The following XPC variants were observed in gnomAD, a reference collection of about 807,000 sequenced individuals.
The protein encoded by XPC is XPC complex subunit, DNA damage recognition and repair factor.
Under a neutral mutation model 95.8 loss-of-function variants are expected in XPC, and 76 were observed. That is an observed-to-expected ratio of 0.79 (90% CI 0.66 to 0.96). The LOEUF is 0.96. Ranked by LOEUF, XPC falls within the 40% of genes least tolerant of loss-of-function variation. XPC has a pLI of 0.00. For synonymous variants in XPC, 442 were observed against 442.1 expected, an observed-to-expected ratio of 1.00 and a Z score of 0.00; for missense variants, 1,146 against 1,179.8, an observed-to-expected ratio of 0.97 and a Z score of 0.42.
At chr3:14,163,395 A>T (rs1012289266) in intron 7 of XPC, among the ~76,000 whole-genome samples, 9 of 152,274 alleles carry the variant, frequency 5.9e-5, no homozygotes, top group African/African-American at 2.2e-4. Flanking sequence ...ATGTATAAAC[A>T]TGTAATGGAA....
chr3:14,160,595 G>A (rs180708516), intron 7 of XPC, among the ~76,000 whole-genome samples: 56 of 152,326 alleles, frequency 3.7e-4, no homozygotes, highest in Admixed American at 2.1e-3. Flanking sequence ...AATTTCCAAA[G>A]TGTCAAGGTC....
intron 15 of XPC, 86 bp downstream of exon 15, chr3:14,147,204 G>A: frequency 7.2e-7 from 1 of 1,381,618 alleles, no homozygotes. Context: ...TTGAGGCTGG[G>A]GCAGAATCTG....
chr3:14,167,294 C>G (rs374128911), intron 4 of XPC, 41 bp from the exon 5 acceptor site: 50 of 1,557,416 alleles, frequency 3.2e-5, no homozygotes, highest in Non-Finnish European at 3.7e-5. Flanking sequence ...AAGGGGGGAA[C>G]TGAAACCAGA....
intron 13 of XPC, chr3:14,148,296 G>C (rs916694112): frequency 1.7e-6 from 1 of 593,464 alleles, no homozygotes; most frequent in Non-Finnish European, 2.9e-6. Context: ...GATGCTGACT[G>C]TTTTTTGCTC....
At chr3:14,165,741 A>G (rs1040681998) in intron 5 of XPC, 156 bp from the exon 6 acceptor site, 1 of 823,014 alleles carries the variant, frequency 1.2e-6, no homozygotes, top group African/African-American at 1.7e-5. Context: ...CCACTTCCCA[A>G]GCTTGTCTTT....
At chr3:14,161,148 T>C (rs1696151904) in intron 7 of XPC, among the ~76,000 whole-genome samples, 2 of 152,062 alleles carry the variant, frequency 1.3e-5, no homozygotes, top group Non-Finnish European at 1.5e-5. Context: ...CAAGAAGTAA[T>C]GGAAAATCTG....
rs577050105 is a variant in XPC, at chr3:14,158,157, C to T, written c.1726G>A (p.Gly576Ser). The change falls in exon 9 of 16, where the codon GGC becomes AGC. Residue 576 changes from glycine (G) to serine (S), a missense_variant. Physicochemically the swap from Gly to Ser is moderately conservative, Grantham distance 56. Transcript: ENST00000285021. The surrounding 1 kb of genome is among the most constrained non-coding windows in gnomAD (Gnocchi z 5.2). ...MTYVVGIDSD[G>S]WVRDVTQRYD... ...CTCTGTGTGACATCTCGGACCCAGC[C>T]GTCACTGTCAATGCCCACCACATAG... is the stretch of plus-strand genomic sequence containing the variant. 4 of 1,613,942 alleles carry T rather than the reference C, an allele frequency of 2.5e-6. No homozygotes were observed. The highest frequency in any genetic ancestry group is 2.7e-5 in the African/African-American group (2 of 75,020).
In XPC at chr3:14,165,655, A is replaced by G. The variant is rs1168972031; in HGVS notation, c.622-70T>C. 1.5e-5 allele frequency: 23 copies of G among 1,567,796 alleles called. 2 individuals are homozygous for G. In the East Asian group the frequency reaches 3.9e-4, roughly 26 times the overall value. ...GACACCAGGAGGAATTTTTGCTGCC[A>G]AAGTCAAGACATGCTGTGGACAAGA... On this transcript the variant is annotated intron_variant, in intron 5 of 15. Coordinates refer to ENST00000285021, the MANE Select transcript of XPC (RefSeq NM_004628.5).
At chr3:14,154,084 A>C (rs1306828589) in intron 10 of XPC, among the ~76,000 whole-genome samples, 1 of 152,220 alleles carries the variant, frequency 6.6e-6, no homozygotes, top group Non-Finnish European at 1.5e-5. Flanking sequence ...ATAAATGTGA[A>C]CTTCTAACCA....
At chr3:14,165,765 T>A (rs920953295) in intron 5 of XPC, 180 bp from the exon 6 acceptor site, 6 of 649,122 alleles carry the variant, frequency 9.2e-6, no homozygotes, top group Non-Finnish European at 1.6e-5. Flanking sequence ...CCTCTCTTTT[T>A]CTCTCTGTAT....
At chr3:14,173,184 T>C (rs1696684619) in intron 1 of XPC, 122 bp from the exon 2 acceptor site, 3 of 948,910 alleles carry the variant, frequency 3.2e-6, no homozygotes, top group Non-Finnish European at 4.4e-6. Context: ...CATCACTGGT[T>C]CACCATCCCC....
Position 14,145,412 on chromosome 3 carries a change from A to C in XPC, c.*529T>G, listed in dbSNP as rs1464188794. On this transcript the variant is annotated 3_prime_UTR_variant, in exon 16 of 16. Transcript: ENST00000285021. ...ACTTCTCTGCTCTCTCCCCTACTGC[A>C]AAGAGGCAGTGAGGGCAGCATTAGT... 5.7e-6 allele frequency: 4 copies of C among 698,366 alleles called. No homozygotes were observed. The South Asian group carries it at 5.9e-5, about 10-fold the overall frequency. 43.3% of individuals were successfully genotyped at this position (698,366 alleles called of 1,614,324 possible).
Position 14,165,595 on chromosome 3 carries a change from G to C in XPC, c.622-10C>G. The C allele has an allele frequency of 6.2e-7, 1 of 1,613,100 alleles. No homozygotes were observed. Among genetic ancestry groups the C allele is most frequent in the Non-Finnish European group, 8.5e-7 (1 of 1,179,566 alleles). ...GGCAGAGAAGGTGAACCTGTGAAGA[G>C]GAAAGGAGGAAGGGGCAGCATGGAA... On this transcript the variant is annotated splice_polypyrimidine_tract_variant and intron_variant, in intron 5 of 15. Coordinates refer to ENST00000285021, the MANE Select transcript of XPC (RefSeq NM_004628.5).
Position 14,168,431 on chromosome 3 carries a change from G to T in XPC, c.413-51C>A, listed in dbSNP as rs1324768940. 3.1e-6 allele frequency: 5 copies of T among 1,601,880 alleles called. No individual in the cohort carries two copies. In the Admixed American group the frequency reaches 5.0e-5, roughly 16 times the overall value. On this transcript the variant is annotated intron_variant, in intron 3 of 15. Coordinates refer to ENST00000285021, the MANE Select transcript of XPC (RefSeq NM_004628.5). The stretch of plus-strand genomic sequence containing the variant: ...AGTAATAGTAATAACAATAATAATA[G>T]CTACTGTACTGAACAGAATCAAGGT...
chr3:14,161,367 C>A (rs1696159549), intron 7 of XPC, among the ~76,000 whole-genome samples: 1 of 152,028 alleles, frequency 6.6e-6, no homozygotes, highest in Non-Finnish European at 1.5e-5. Context: ...CAAAGCCAGA[C>A]AAATACATCA....
chr3:14,149,981 T>G (rs1389164792), intron 11 of XPC: 1 of 152,262 alleles, frequency 6.6e-6, no homozygotes, highest in Non-Finnish European at 1.5e-5. Context: ...ACAAAGTCAC[T>G]TAAGAGCTGA....
chr3:14,170,740 T>C lies in XPC; in HGVS notation c.300-190A>G, dbSNP rs3731078. On this transcript the variant is annotated intron_variant, in intron 2 of 15. Transcript: ENST00000285021. ...TTCCAAATCTCATCAAGATGTGCTCTGATCATCTGTCTAATTACTACCAGA... is the reference window on the plus strand; with the variant it reads ...TTCCAAATCTCATCAAGATGTGCTCCGATCATCTGTCTAATTACTACCAGA... 0.022 allele frequency: 9,727 copies of C among 445,438 alleles called. 137 individuals are homozygous for C. Among genetic ancestry groups the C allele is most frequent in the Non-Finnish European group, 0.029 (7,225 of 249,420 alleles). The allele number at this position is 445,438 out of a possible 1,614,324, so 27.6% of individuals were successfully genotyped here.
rs746768609 is a variant in XPC, at chr3:14,148,641, G to T, written c.2341C>A (p.Arg781Ser). ...TCGATGTCCAGCTTGCGGGCCACGC[G>T]GTGTAGATTGGGCAGGTTCAGCTGG... ...CVQLNLPNLH[R>S]VARKLDIDCV... The change falls in exon 13 of 16, where the codon CGC (arginine) becomes AGC (serine). Residue 781 changes from arginine to serine, a missense_variant. Physicochemically the swap from Arg to Ser is moderately radical, Grantham distance 110. Coordinates refer to ENST00000285021, the MANE Select transcript of XPC (RefSeq NM_004628.5). The T allele has an allele frequency of 6.2e-7, 1 of 1,614,018 alleles. No individual in the cohort carries two copies. Among genetic ancestry groups the T allele is most frequent in the Non-Finnish European group, 8.5e-7 (1 of 1,179,900 alleles).
chr3:14,178,357 C>G (rs1696925883), intron 1 of XPC, 109 bp downstream of exon 1: 1 of 1,280,222 alleles, frequency 7.8e-7, no homozygotes, highest in Non-Finnish European at 1.0e-6. Flanking sequence ...GCGCGGAACG[C>G]GCGCAGCAAC....
Sources: gnomAD v4.1 joint callset for allele counts (sites outside exome capture counted in the v4.1 genomes callset) on GRCh38, gnomAD v4.1.1 for gene constraint, Gnocchi (gnomAD v3.1) non-coding constraint, MANE v1.5 for transcripts, NCBI Gene and HGNC (gene_info 2026-07-23, HGNC 2026-07-21) for gene names.